The following NDUFAF2 variants were observed in gnomAD, a reference collection of about 807,000 sequenced individuals.
NDUFAF2 encodes the protein NADH dehydrogenase [ubiquinone] 1 alpha subcomplex assembly factor 2.
In NDUFAF2, 13 loss-of-function variants were observed where a neutral mutation model predicts 22.8. The ratio of observed to expected loss-of-function variants is 0.57; its 90% CI spans 0.37 to 0.91. The LOEUF (loss-of-function observed/expected upper bound fraction) is 0.91, where lower values mean the gene tolerates loss of function less well. Ranked by LOEUF, NDUFAF2 falls within the 40% of genes least tolerant of loss-of-function variation. The pLI, the probability that NDUFAF2 is intolerant of heterozygous loss-of-function variation, is 0.01. For synonymous variants in NDUFAF2, 53 were observed against 64.2 expected (o/e 0.83, Z 0.84); for missense variants, 162 against 195.2 (o/e 0.83, Z 1.01).
chr5:60,974,863 T>C (rs942808740), intron 1 of NDUFAF2, among the ~76,000 whole-genome samples: 1 of 152,182 alleles, frequency 6.6e-6, no homozygotes, highest in Non-Finnish European at 1.5e-5. Flanking sequence ...TTGCCCAGGC[T>C]AGAGTGCAGT....
At chr5:60,985,502 G>T (rs986406359) in intron 1 of NDUFAF2, among the ~76,000 whole-genome samples, 2 of 152,072 alleles carry the variant, frequency 1.3e-5, no homozygotes, top group African/African-American at 4.8e-5. Flanking sequence ...GTCAATTTTA[G>T]ATCTTTCTTG....
In NDUFAF2 at chr5:61,120,064, T is replaced by C. The variant is rs181047443; in HGVS notation, c.258+21032T>C. ...TTGTAATTTTTGAAAACTTACTCTT[T>C]TGTATTCTGCTGTTTTTACTTAACT... On this transcript the variant is annotated intron_variant, in intron 3 of 3. Coordinates refer to ENST00000296597, the MANE Select transcript of NDUFAF2 (RefSeq NM_174889.5). 4.2e-3 allele frequency among the ~76,000 whole-genome samples: 643 copies of C among 152,266 alleles called. 5 individuals are homozygous for C. The highest frequency in any genetic ancestry group is 0.014 in the African/African-American group (598 of 41,556).
intron 1 of NDUFAF2, among the ~76,000 whole-genome samples, chr5:60,971,258 A>G (rs1750823369): frequency 6.6e-6 from 1 of 150,748 alleles, no homozygotes; most frequent in South Asian, 2.1e-4. Context: ...CTTGTCATTT[A>G]CATTAGATAT....
chr5:61,105,271 G>A (rs1752748544), intron 3 of NDUFAF2, among the ~76,000 whole-genome samples: 1 of 151,150 alleles, frequency 6.6e-6, no homozygotes, highest in Non-Finnish European at 1.5e-5. Context: ...TTTCAGTGTT[G>A]TCTCTAAATA....
intron 1 of NDUFAF2, among the ~76,000 whole-genome samples, chr5:61,068,943 C>G (rs947384694): frequency 6.6e-6 from 1 of 152,056 alleles, no homozygotes; most frequent in African/African-American, 2.4e-5. Context: ...TGTTTGCTAG[C>G]AAGTAAATGT....
At chr5:61,003,210 T>C (rs1751319845) in intron 1 of NDUFAF2, among the ~76,000 whole-genome samples, 1 of 152,176 alleles carries the variant, frequency 6.6e-6, no homozygotes, top group African/African-American at 2.4e-5. Flanking sequence ...AATCAACGTT[T>C]GGAAGGTACA....
intron 2 of NDUFAF2, among the ~76,000 whole-genome samples, chr5:61,082,813 A>G (rs1752460067): frequency 6.6e-6 from 1 of 152,158 alleles, no homozygotes; most frequent in African/African-American, 2.4e-5. Context: ...GCTATTGTGA[A>G]TAGTGCTGCA....
chr5:61,074,540 T>TTG (rs1454421929), intron 2 of NDUFAF2, among the ~76,000 whole-genome samples: 2 of 151,762 alleles, frequency 1.3e-5, no homozygotes, highest in African/African-American at 4.8e-5. Context: ...TGAGCCAAGA[T>TTG]CACGCCACTG....
At chr5:61,112,364 C>T (rs1752855356) in intron 3 of NDUFAF2, among the ~76,000 whole-genome samples, 1 of 152,026 alleles carries the variant, frequency 6.6e-6, no homozygotes, top group Non-Finnish European at 1.5e-5. Flanking sequence ...CAGGCATGCA[C>T]CACCATGCCC....
intron 2 of NDUFAF2, among the ~76,000 whole-genome samples, chr5:61,075,144 G>T (rs1170821657): frequency 1.3e-5 from 2 of 152,104 alleles, no homozygotes; most frequent in Non-Finnish European, 2.9e-5. Context: ...GGCCTAAAAA[G>T]GTTAGTTAAT....
chr5:61,038,083 G>A (rs1431787515), intron 1 of NDUFAF2, among the ~76,000 whole-genome samples: 4 of 105,062 alleles, frequency 3.8e-5, no homozygotes, highest in South Asian at 4.1e-4. Context: ...GGAGGGAGGC[G>A]GGGGAAGAGA....
chr5:60,964,515 A>G (rs998185564), intron 1 of NDUFAF2, among the ~76,000 whole-genome samples: 20 of 149,306 alleles, frequency 1.3e-4, no homozygotes, highest in African/African-American at 5.0e-4. Flanking sequence ...CAGTGGTGCT[A>G]TCTTGGCTCA....
chr5:61,099,656 T>A (rs914690433), intron 3 of NDUFAF2, among the ~76,000 whole-genome samples: 15 of 151,730 alleles, frequency 9.9e-5, no homozygotes, highest in South Asian at 2.1e-4. Flanking sequence ...TTATAAAAAT[T>A]ATAATTTTAA....
intron 2 of NDUFAF2, among the ~76,000 whole-genome samples, chr5:61,075,519 A>G (rs1752357997): frequency 6.6e-6 from 1 of 152,148 alleles, no homozygotes; most frequent in African/African-American, 2.4e-5. Context: ...GTTTGTTTTT[A>G]TCATTTTTTC....
intron 2 of NDUFAF2, among the ~76,000 whole-genome samples, chr5:61,085,249 G>A (rs1037539055): frequency 6.6e-6 from 1 of 152,082 alleles, no homozygotes; most frequent in African/African-American, 2.4e-5. Context: ...TTTAACATTT[G>A]AAAATCCATT....
At chr5:60,984,240 T>C (rs1425317338) in intron 1 of NDUFAF2, among the ~76,000 whole-genome samples, 1 of 152,218 alleles carries the variant, frequency 6.6e-6, no homozygotes, top group Non-Finnish European at 1.5e-5. Flanking sequence ...TTTTTGCCCA[T>C]TGATTTTGTA....
At chr5:61,082,944 A>G (rs1041584418) in intron 2 of NDUFAF2, among the ~76,000 whole-genome samples, 2 of 152,176 alleles carry the variant, frequency 1.3e-5, no homozygotes, top group Non-Finnish European at 1.5e-5. Context: ...TTCTTTGAGA[A>G]TCGCCAAACT....
chr5:61,131,199 CTTT>C (rs78833819), intron 3 of NDUFAF2, among the ~76,000 whole-genome samples: 5 of 141,608 alleles, frequency 3.5e-5, no homozygotes, highest in Admixed American at 7.1e-5. Flanking sequence ...ACTTTTTTTT[CTTT>C]TTTTTTTTTT....
At chr5:61,053,625 G>C (rs1561552137) in intron 1 of NDUFAF2, among the ~76,000 whole-genome samples, 1 of 152,156 alleles carries the variant, frequency 6.6e-6, no homozygotes, top group Non-Finnish European at 1.5e-5. Flanking sequence ...TAAAAGGATA[G>C]AATACCATGG....
Sources: gnomAD v4.1 joint callset for allele counts (sites outside exome capture counted in the v4.1 genomes callset) on GRCh38, gnomAD v4.1.1 for gene constraint, MANE v1.5 for transcripts, NCBI Gene and HGNC (gene_info 2026-07-23, HGNC 2026-07-21) for gene names.